Variants in SMARCC1 observed in about 807,000 individuals in gnomAD.
The protein encoded by SMARCC1 is SWI/SNF related BAF chromatin remodeling complex subunit C1.
In SMARCC1, 43 loss-of-function variants were observed where a neutral mutation model predicts 147.4. That is an observed-to-expected ratio of 0.29 (90% CI 0.23 to 0.38). SMARCC1 has a LOEUF of 0.38. SMARCC1 is among the 10% of genes least tolerant of loss of function. SMARCC1 has a pLI of 1.00. For missense variants in SMARCC1, 1,119 were observed against 1,381.1 expected (o/e 0.81, Z 3.01); for synonymous variants, 495 against 484.4 (o/e 1.02, Z -0.29).
At chr3:47,648,329 C>T (rs1576398324) in intron 21 of SMARCC1, among the ~76,000 whole-genome samples, 1 of 152,072 alleles carries the variant, frequency 6.6e-6, no homozygotes, top group Non-Finnish European at 1.5e-5. Flanking sequence ...AGCTCAAATA[C>T]TACTTTTTTT....
chr3:47,667,263 A>G (rs1282579698), intron 19 of SMARCC1, among the ~76,000 whole-genome samples: 1 of 151,662 alleles, frequency 6.6e-6, no homozygotes. Flanking sequence ...GCTTGCAGTG[A>G]GCCGAGATCA....
At position 47,588,132 on chromosome 3, in the gene SMARCC1, A is replaced by G; in HGVS notation, c.*77T>C. ...GAAAAATCCTGAAAGAAACCCAAGAAAGTTGAGGAACACAAGTCTTGTCAT... is the reference window on the plus strand; with the variant it reads ...GAAAAATCCTGAAAGAAACCCAAGAGAGTTGAGGAACACAAGTCTTGTCAT... On this transcript the variant is annotated 3_prime_UTR_variant, in exon 28 of 28. Transcript: ENST00000254480. 1.7e-6 allele frequency: 2 copies of G among 1,185,146 alleles called. No individual in the cohort carries two copies. The highest frequency in any genetic ancestry group is 1.3e-5 in the South Asian group (1 of 76,898). 73.4% of individuals were successfully genotyped at this position (1,185,146 alleles called of 1,614,324 possible).
At chr3:47,701,476 T>C in intron 10 of SMARCC1, 74 bp from the exon 11 acceptor site, 2 of 1,313,240 alleles carry the variant, frequency 1.5e-6, no homozygotes, top group South Asian at 1.2e-5. Context: ...TCTGAGGTTG[T>C]ACACCTTCAT....
intron 21 of SMARCC1, among the ~76,000 whole-genome samples, chr3:47,646,360 T>C (rs1421870977): frequency 2.0e-5 from 3 of 152,130 alleles, no homozygotes; most frequent in Non-Finnish European, 2.9e-5. Context: ...TCATGTCATT[T>C]TGTTATTGTT....
At chr3:47,750,413 G>A (rs185802066) in intron 2 of SMARCC1, among the ~76,000 whole-genome samples, 163 of 152,198 alleles carry the variant, frequency 1.1e-3, no homozygotes, top group African/African-American at 3.8e-3. Context: ...CCAGCTTGGC[G>A]ACAGAACGAA....
intron 8 of SMARCC1, among the ~76,000 whole-genome samples, chr3:47,711,962 G>C (rs928869500): frequency 6.6e-6 from 1 of 152,240 alleles, no homozygotes; most frequent in Non-Finnish European, 1.5e-5. Context: ...GCCGGGCGTG[G>C]TGGTTCATGC....
At position 47,587,989 on chromosome 3, in the gene SMARCC1, C is replaced by A; in HGVS notation, c.*220G>T. 1.8e-6 allele frequency: 1 copy of A among 542,692 alleles called. No individual in the cohort carries two copies. The highest frequency in any genetic ancestry group is 3.3e-6 in the Non-Finnish European group (1 of 307,356). The allele number at this position is 542,692 out of a possible 1,614,324, so 33.6% of individuals were successfully genotyped here. A position where few individuals can be genotyped will look rare whatever the true frequency, so the allele number is the denominator to read the frequency against. ...GGTTATTTTAAGGATGACCAGGGCA[C>A]ACTGTCACTACAGGTTTCCCCTTGA... On this transcript the variant is annotated 3_prime_UTR_variant, in exon 28 of 28. Transcript: ENST00000254480.
intron 20 of SMARCC1, 74 bp downstream of exon 20, chr3:47,662,260 G>GT (rs1282945278): frequency 1.6e-6 from 2 of 1,215,072 alleles, no homozygotes; most frequent in Non-Finnish European, 2.4e-6. Context: ...AGAAATGAAT[G>GT]TAACGGCTGG....
intron 21 of SMARCC1, among the ~76,000 whole-genome samples, chr3:47,655,180 A>G (rs1040928306): frequency 2.6e-5 from 4 of 152,254 alleles, no homozygotes; most frequent in African/African-American, 9.6e-5. Context: ...TATGTTCTGT[A>G]GAGCACTAGC....
At position 47,781,635 on chromosome 3, in the gene SMARCC1, C is replaced by A; in HGVS notation, c.163G>T (p.Val55Leu). ...SPETVSQLDS[V>L]RVWLGKHYKK... ...TAGTGCTTGCCCAGCCAGACCCGCACCGAATCCAGCTGGGACACCGTCTCC... is the reference window on the plus strand; with the variant it reads ...TAGTGCTTGCCCAGCCAGACCCGCAACGAATCCAGCTGGGACACCGTCTCC... Residue 55 changes from valine (V) to leucine (L), a missense_variant, in exon 1 of 28, where the codon GTG (valine) becomes TTG (leucine). Coordinates refer to ENST00000254480, the MANE Select transcript of SMARCC1 (RefSeq NM_003074.4). The A allele has an allele frequency of 6.4e-7, 1 of 1,555,230 alleles. No homozygotes were observed. Among genetic ancestry groups the A allele is most frequent in the Admixed American group, 2.0e-5 (1 of 50,586 alleles).
chr3:47,651,298 T>C (rs1423278388), intron 21 of SMARCC1, among the ~76,000 whole-genome samples: 3 of 152,234 alleles, frequency 2.0e-5, no homozygotes, highest in Non-Finnish European at 4.4e-5. Flanking sequence ...AGTGAAACCC[T>C]GTCTCAAATA....
At chr3:47,718,423 G>C (rs781061652) in intron 7 of SMARCC1, among the ~76,000 whole-genome samples, 2 of 152,094 alleles carry the variant, frequency 1.3e-5, no homozygotes, top group African/African-American at 2.4e-5. Flanking sequence ...GAAAGAGTAA[G>C]ACTCCATCTG....
intron 24 of SMARCC1, among the ~76,000 whole-genome samples, chr3:47,633,779 T>TATACACACACACAC (rs1367543059): frequency 0.014 from 393 of 28,710 alleles, 12 homozygotes; most frequent in Non-Finnish European, 0.022. Context: ...TATATATATA[T>TATACACACACACAC]ACACACACAC....
chr3:47,599,194 C>G (rs2032346993), intron 26 of SMARCC1, among the ~76,000 whole-genome samples: 1 of 152,142 alleles, frequency 6.6e-6, no homozygotes, highest in Non-Finnish European at 1.5e-5. Flanking sequence ...TGAGACCAGC[C>G]TAGCCAACAT....
At chr3:47,773,892 A>C (rs2034944121) in intron 1 of SMARCC1, among the ~76,000 whole-genome samples, 1 of 152,154 alleles carries the variant, frequency 6.6e-6, no homozygotes, top group Non-Finnish European at 1.5e-5. Context: ...TCGGCCACCC[A>C]AAGCGCTAGG....
chr3:47,645,008 T>C (rs2033099536), intron 21 of SMARCC1, among the ~76,000 whole-genome samples: 1 of 152,072 alleles, frequency 6.6e-6, no homozygotes, highest in Admixed American at 6.5e-5. Flanking sequence ...TAGCAATTAG[T>C]CAATAATTTC....
intron 25 of SMARCC1, among the ~76,000 whole-genome samples, chr3:47,620,453 A>G (rs1248822622): frequency 6.6e-6 from 1 of 150,496 alleles, no homozygotes; most frequent in African/African-American, 2.5e-5. Context: ...ACAGAGTAAG[A>G]CTCCGTTTTC....
In SMARCC1 at chr3:47,781,685, G is replaced by C. The variant is rs1306972218; in HGVS notation, c.113C>G (p.Pro38Arg). The change falls in exon 1 of 28, where the codon CCG (proline) becomes CGG (arginine). Residue 38 changes from proline to arginine, a missense_variant. Pro to Arg is a moderately radical substitution (Grantham distance 103). This residue lies in a region of SMARCC1 where 542 missense variants were observed against 611.8 expected (regional missense o/e 0.89). Transcript: ENST00000254480. ...LAVYRRKDGG[P>R]ATKFWESPET... ...CGGGCTCTCCCAAAACTTGGTGGCC[G>C]GGCCCCCATCCTTCCGTCGATAAAC... The C allele has an allele frequency of 1.9e-6, 3 of 1,562,154 alleles. No homozygotes were observed. The highest frequency in any genetic ancestry group is 2.6e-6 in the Non-Finnish European group (3 of 1,158,080).
intron 2 of SMARCC1, among the ~76,000 whole-genome samples, chr3:47,767,964 T>C (rs2106870631): frequency 6.6e-6 from 1 of 151,902 alleles, no homozygotes; most frequent in Admixed American, 6.6e-5. Context: ...GCCTCCCAAG[T>C]AGCTGGGCCT....
Sources: gnomAD v4.1 joint callset for allele counts (sites outside exome capture counted in the v4.1 genomes callset) on GRCh38, gnomAD v4.1.1 for gene constraint, gnomAD v4.1.1 regional missense constraint, MANE v1.5 for transcripts, NCBI Gene and HGNC (gene_info 2026-07-23, HGNC 2026-07-21) for gene names.